Variants in NFIL3 observed in about 807,000 individuals in gnomAD.
NFIL3 encodes nuclear factor, interleukin 3 regulated.
In NFIL3, 5 loss-of-function variants were observed where a neutral mutation model predicts 10.0. The observed-to-expected ratio is 0.50, with a 90% confidence interval of 0.26 to 1.06. The LOEUF (loss-of-function observed/expected upper bound fraction) is 1.06. Ranked by LOEUF, NFIL3 falls within the 50% of genes least tolerant of loss-of-function variation. The probability of loss-of-function intolerance (pLI) is 0.13; values close to 1 mark genes in which losing one functional copy is unlikely to be tolerated. For synonymous variants in NFIL3, 202 were observed against 206.5 expected (o/e 0.98, Z 0.19); for missense variants, 436 against 547.6 (o/e 0.80, Z 2.03).
chr9:91,416,754 T>G (rs1424201660), intron 1 of NFIL3, among the ~76,000 whole-genome samples: 1 of 152,252 alleles, frequency 6.6e-6, no homozygotes, highest in East Asian at 1.9e-4. Context: ...TCACACTACT[T>G]CTCTAAGCAA....
chr9:91,481,177 C>T, the NFIL3 span, among the ~76,000 whole-genome samples: 1 of 152,198 alleles, frequency 6.6e-6, no homozygotes, highest in Non-Finnish European at 1.5e-5. Flanking sequence ...AGGGATAATA[C>T]ATTTTGTGTG....
At chr9:91,475,220 A>G in the NFIL3 span, among the ~76,000 whole-genome samples, 6 of 152,194 alleles carry the variant, frequency 3.9e-5, no homozygotes, top group African/African-American at 1.4e-4. Context: ...TAATCTATCC[A>G]TAGATTGATC....
At chr9:91,451,355 A>G in the NFIL3 span, among the ~76,000 whole-genome samples, 3 of 152,346 alleles carry the variant, frequency 2.0e-5, no homozygotes, top group East Asian at 3.9e-4. Flanking sequence ...TGACTTCCTT[A>G]TACAAAATCA....
At chr9:91,436,619 CAAA>C in the NFIL3 span, among the ~76,000 whole-genome samples, 8,196 of 143,152 alleles carry the variant, frequency 0.057, 295 homozygotes, top group African/African-American at 0.1. Flanking sequence ...ACAACAACAA[CAAA>C]GAGTTGAAGG....
the NFIL3 span, among the ~76,000 whole-genome samples, chr9:91,437,182 C>T: frequency 6.6e-6 from 1 of 152,194 alleles, no homozygotes; most frequent in Non-Finnish European, 1.5e-5. Flanking sequence ...GGGATCAGTA[C>T]CGGTCTGTGG....
intron 1 of NFIL3, among the ~76,000 whole-genome samples, chr9:91,415,730 C>T (rs180717453): frequency 3.9e-5 from 6 of 152,030 alleles, no homozygotes; most frequent in East Asian, 1.9e-4. Context: ...TGGGTTCAAG[C>T]GATTCTCCTG....
the NFIL3 span, among the ~76,000 whole-genome samples, chr9:91,464,337 A>G: frequency 6.6e-6 from 1 of 152,006 alleles, no homozygotes; most frequent in African/African-American, 2.4e-5. Flanking sequence ...TGGTTGTCCT[A>G]GAGTTAACAC....
At chr9:91,440,066 T>C in the NFIL3 span, among the ~76,000 whole-genome samples, 4 of 152,172 alleles carry the variant, frequency 2.6e-5, no homozygotes, top group African/African-American at 9.7e-5. Flanking sequence ...GCCCTATTTT[T>C]TGGAAGAGTT....
the NFIL3 span, among the ~76,000 whole-genome samples, chr9:91,437,578 T>A: frequency 6.6e-6 from 1 of 152,234 alleles, no homozygotes; most frequent in Non-Finnish European, 1.5e-5. Flanking sequence ...TTATCTGTAA[T>A]CTTCACGTAC....
chr9:91,465,594 AT>A, the NFIL3 span, among the ~76,000 whole-genome samples: 1 of 152,048 alleles, frequency 6.6e-6, no homozygotes. Flanking sequence ...CATTTGTGTC[AT>A]AGCTGAGTCA....
chr9:91,463,400 ATTAT>A, the NFIL3 span, among the ~76,000 whole-genome samples: 1 of 151,202 alleles, frequency 6.6e-6, no homozygotes, highest in African/African-American at 2.4e-5. Flanking sequence ...TATTTATTTC[ATTAT>A]TTATTATTTT....
Position 91,410,943 on chromosome 9 carries a change from C to T in NFIL3, c.-172-37G>A, listed in dbSNP as rs1024903774. 2 of 508,124 alleles carry T rather than the reference C, an allele frequency of 3.9e-6. No homozygotes were observed. Among genetic ancestry groups the T allele is most frequent in the African/African-American group, 2.0e-5 (1 of 50,742 alleles). The allele number at this position is 508,124 out of a possible 1,614,324, so 31.5% of individuals were successfully genotyped here. ...GAATAAAAAAAAAACCAGTTATTCACTGGATAAATGTTTATTACAAATTAT... is the reference window on the plus strand; with the variant it reads ...GAATAAAAAAAAAACCAGTTATTCATTGGATAAATGTTTATTACAAATTAT... On this transcript the variant is annotated intron_variant, in intron 1 of 1. Coordinates refer to ENST00000297689, the MANE Select transcript of NFIL3 (RefSeq NM_005384.3). This position sits in a 1 kb window ranked among gnomAD's most constrained non-coding sequence, Gnocchi z 5.7.
the NFIL3 span, among the ~76,000 whole-genome samples, chr9:91,431,750 G>C: frequency 6.6e-6 from 1 of 152,188 alleles, no homozygotes; most frequent in Non-Finnish European, 1.5e-5. Context: ...CTGGCTGTCT[G>C]GGATGGTTCC....
chr9:91,429,435 A>G, the NFIL3 span, among the ~76,000 whole-genome samples: 1 of 152,190 alleles, frequency 6.6e-6, no homozygotes, highest in Non-Finnish European at 1.5e-5. Context: ...GCAGCAAAGC[A>G]GCTATGGCAA....
chr9:91,478,382 G>C, the NFIL3 span, among the ~76,000 whole-genome samples: 1 of 151,530 alleles, frequency 6.6e-6, no homozygotes. Context: ...TTGTCTTCTC[G>C]CTTTATTTCA....
At chr9:91,428,863 T>G in the NFIL3 span, among the ~76,000 whole-genome samples, 3 of 152,182 alleles carry the variant, frequency 2.0e-5, no homozygotes, top group Non-Finnish European at 2.9e-5. Context: ...GATTAAATGG[T>G]ATATGTGAGT....
the NFIL3 span, among the ~76,000 whole-genome samples, chr9:91,445,436 G>A: frequency 6.6e-6 from 1 of 152,210 alleles, no homozygotes; most frequent in Non-Finnish European, 1.5e-5. Flanking sequence ...CATGGAGTGG[G>A]CATGCCTCAG....
At position 91,409,688 on chromosome 9, in the gene NFIL3, T is replaced by C. The variant is rs1768564917; in HGVS notation, c.1047A>G (p.Gln349=). The C allele has an allele frequency of 6.2e-7, 1 of 1,614,112 alleles. No individual in the cohort carries two copies. The highest frequency in any genetic ancestry group is 1.3e-5 in the African/African-American group (1 of 74,942). ...TCATGTCAATAGGTGAGGAAAGTTT[T>C]TGCGTGGCCTCAAATTCATTATCAA... The part of the protein sequence containing the change: ...EAFDNEFEAT[Q]KLSSPIDMTS... Residue 349 remains glutamine (Q), a synonymous_variant, in exon 2 of 2, where the codon CAA becomes CAG. Transcript: ENST00000297689.
At chr9:91,421,825 AC>A (rs1401627550) in intron 1 of NFIL3, among the ~76,000 whole-genome samples, 1 of 152,162 alleles carries the variant, frequency 6.6e-6, no homozygotes, top group African/African-American at 2.4e-5. Context: ...ACAAAAAAAA[AC>A]CCTGCACTTA....
Sources: allele counts gnomAD v4.1 joint callset (sites outside exome capture counted in the v4.1 genomes callset), GRCh38; gene constraint gnomAD v4.1.1; non-coding constraint Gnocchi (gnomAD v3.1); transcripts MANE v1.5; gene names NCBI Gene and HGNC (gene_info 2026-07-23, HGNC 2026-07-21).